Variants in DKK3 observed in about 807,000 individuals in gnomAD.
DKK3 encodes dickkopf Wnt signaling pathway inhibitor 3.
Under a neutral mutation model 33.2 loss-of-function variants are expected in DKK3, and 22 were observed. The ratio of observed to expected loss-of-function variants is 0.66; its 90% CI spans 0.47 to 0.95. The LOEUF (loss-of-function observed/expected upper bound fraction) is 0.95. DKK3 is among the 40% of genes least tolerant of loss of function. The pLI is 0.00. For missense variants in DKK3, 398 were observed against 458.4 expected (o/e 0.87, Z 1.20); for synonymous variants, 194 against 188.8 (o/e 1.03, Z -0.23).
chr11:12,002,573 A>C, intron 1 of DKK3, 136 bp from the exon 2 acceptor site: 1 of 891,366 alleles, frequency 1.1e-6, no homozygotes. Context: ...TTAATTGAGT[A>C]CTCACTATGA....
At chr11:11,989,289 T>C (rs1041990248) in intron 3 of DKK3, among the ~76,000 whole-genome samples, 1 of 152,192 alleles carries the variant, frequency 6.6e-6, no homozygotes, top group Non-Finnish European at 1.5e-5. Flanking sequence ...TTATTCACAA[T>C]AGCCAAAAGG....
intron 6 of DKK3, among the ~76,000 whole-genome samples, chr11:11,965,152 C>G (rs139782004): frequency 0.011 from 1,619 of 152,332 alleles, 29 homozygotes; most frequent in African/African-American, 0.037. Context: ...GACGGGATCT[C>G]CCTATGTTGC....
At chr11:11,976,564 G>A (rs1847837604) in intron 3 of DKK3, among the ~76,000 whole-genome samples, 1 of 152,228 alleles carries the variant, frequency 6.6e-6, no homozygotes, top group South Asian at 2.1e-4. Flanking sequence ...CCAGTGCTCT[G>A]TGGAGCTCTC....
At chr11:11,990,004 T>C (rs1301257169) in intron 3 of DKK3, among the ~76,000 whole-genome samples, 1 of 152,196 alleles carries the variant, frequency 6.6e-6, no homozygotes, top group Non-Finnish European at 1.5e-5. Flanking sequence ...TACTGGGACA[T>C]GTTGTAGCCC....
At chr11:11,999,329 G>A (rs139624320) in intron 2 of DKK3, among the ~76,000 whole-genome samples, 3 of 152,280 alleles carry the variant, frequency 2.0e-5, no homozygotes, top group Non-Finnish European at 4.4e-5. Context: ...CCAGGTGCAG[G>A]CATCTCAAAG....
At chr11:11,982,160 G>A (rs7106942) in intron 3 of DKK3, among the ~76,000 whole-genome samples, 12,347 of 152,180 alleles carry the variant, frequency 0.081, 1,556 homozygotes, top group African/African-American at 0.27. Context: ...TGCTGTGGGC[G>A]CTCCAGGGTA....
intron 3 of DKK3, among the ~76,000 whole-genome samples, chr11:11,985,220 A>C (rs1406445604): frequency 6.6e-6 from 1 of 152,172 alleles, no homozygotes; most frequent in Non-Finnish European, 1.5e-5. Flanking sequence ...GGCTGGGGCT[A>C]GGAGATTCCT....
intron 1 of DKK3, among the ~76,000 whole-genome samples, chr11:12,006,793 A>G (rs1291386317): frequency 6.6e-6 from 1 of 152,206 alleles, no homozygotes; most frequent in African/African-American, 2.4e-5. Context: ...CACGCTGCAG[A>G]CTTTCTGAAC....
chr11:12,002,899 C>T (rs886145243), intron 1 of DKK3, among the ~76,000 whole-genome samples: 1 of 152,200 alleles, frequency 6.6e-6, no homozygotes, highest in Admixed American at 6.5e-5. Flanking sequence ...CTCTGGTCAC[C>T]AAAGTATGCT....
intron 3 of DKK3, among the ~76,000 whole-genome samples, chr11:11,984,295 CA>C (rs576082887): frequency 3.9e-5 from 6 of 152,200 alleles, no homozygotes; most frequent in Non-Finnish European, 5.9e-5. Context: ...TTCTTATGAA[CA>C]CACTGGATAG....
chr11:11,996,004 T>A (rs1848285446), intron 3 of DKK3, among the ~76,000 whole-genome samples: 1 of 152,220 alleles, frequency 6.6e-6, no homozygotes, highest in Non-Finnish European at 1.5e-5. Flanking sequence ...TAATACACAT[T>A]CCAGCATTTG....
chr11:11,967,773 T>A (rs1275455326), intron 4 of DKK3, among the ~76,000 whole-genome samples: 4 of 152,014 alleles, frequency 2.6e-5, no homozygotes, highest in African/African-American at 9.7e-5. Context: ...GGGTGAAGAG[T>A]CTCCTTTGCC....
chr11:11,988,983 G>T (rs1469764045), intron 3 of DKK3, among the ~76,000 whole-genome samples: 1 of 152,196 alleles, frequency 6.6e-6, no homozygotes, highest in Non-Finnish European at 1.5e-5. Context: ...AGGACAGCAG[G>T]GGCCAGGAAT....
chr11:11,995,440 C>A (rs1445421127), intron 3 of DKK3, among the ~76,000 whole-genome samples: 1 of 152,100 alleles, frequency 6.6e-6, no homozygotes, highest in African/African-American at 2.4e-5. Context: ...GAACTTACAG[C>A]TTCAAACTAG....
chr11:11,992,169 T>C (rs1564919323), intron 3 of DKK3, among the ~76,000 whole-genome samples: 1 of 152,368 alleles, frequency 6.6e-6, no homozygotes, highest in East Asian at 1.9e-4. Flanking sequence ...TGCTATTTAC[T>C]GACTTCTTAC....
intron 3 of DKK3, among the ~76,000 whole-genome samples, chr11:11,981,309 C>G (rs1847949724): frequency 6.6e-6 from 1 of 152,174 alleles, no homozygotes; most frequent in East Asian, 1.9e-4. Context: ...AGGCAACAGC[C>G]AGGAGCTTGG....
At position 11,984,978 on chromosome 11, in the gene DKK3, G is replaced by A. The variant is rs562385631; in HGVS notation, c.435+13718C>T. ...GAATCGTTTATGCTAATGAGCCTGG[G>A]AAAAACTTTAATGTTTCAGTGGTGG... On this transcript the variant is annotated intron_variant, in intron 3 of 6. Coordinates refer to ENST00000683431, the MANE Select transcript of DKK3 (RefSeq NM_001018057.2). Among the ~76,000 whole-genome samples the A allele has an allele frequency of 5.9e-4, 90 of 152,296 alleles. 1 individual carries two copies. Among genetic ancestry groups the A allele is most frequent in the Admixed American group, 5.9e-3 (90 of 15,294 alleles).
intron 3 of DKK3, among the ~76,000 whole-genome samples, chr11:11,997,947 G>A (rs915320717): frequency 2.0e-5 from 3 of 151,856 alleles, no homozygotes; most frequent in African/African-American, 4.8e-5. Context: ...GGCTTCCTGC[G>A]GTCTTCATAA....
At chr11:11,994,453 G>C (rs146455767) in intron 3 of DKK3, among the ~76,000 whole-genome samples, 29 of 152,234 alleles carry the variant, frequency 1.9e-4, no homozygotes, top group African/African-American at 6.7e-4. Flanking sequence ...GAAGGGAAGG[G>C]CTGCATTTCC....
Sources: allele counts gnomAD v4.1 joint callset (sites outside exome capture counted in the v4.1 genomes callset), GRCh38; gene constraint gnomAD v4.1.1; transcripts MANE v1.5; gene names NCBI Gene and HGNC (gene_info 2026-07-23, HGNC 2026-07-21).